KSR2: variants seen among roughly 807,000 people sequenced by gnomAD.
The protein encoded by KSR2 is kinase suppressor of ras 2.
A neutral mutation model predicts 107.8 loss-of-function variants in KSR2; 25 were observed. The observed-to-expected ratio is 0.23, with a 90% CI of 0.17 to 0.32. The LOEUF is 0.32. Ranked by LOEUF, KSR2 falls within the 10% of genes least tolerant of loss-of-function variation. The pLI, the probability that KSR2 is intolerant of heterozygous loss-of-function variation, is 1.00. For synonymous variants in KSR2, 480 were observed against 507.0 expected (o/e 0.95, Z 0.71); for missense variants, 887 against 1,268.9 (o/e 0.70, Z 4.57).
chr12:117,536,324 C>T (rs373243701), intron 10 of KSR2, among the ~76,000 whole-genome samples: 61 of 152,324 alleles, frequency 4.0e-4, no homozygotes, highest in Middle Eastern at 3.4e-3. Flanking sequence ...TGTACAAACA[C>T]GACAGGTACT....
intron 4 of KSR2, among the ~76,000 whole-genome samples, chr12:117,698,844 T>C (rs1023548084): frequency 5.3e-5 from 8 of 152,172 alleles, no homozygotes; most frequent in Non-Finnish European, 8.8e-5. Context: ...CTTCTGATTG[T>C]CTCCTGACTG....
At chr12:117,902,897 T>C (rs574908010) in intron 1 of KSR2, among the ~76,000 whole-genome samples, 72 of 152,358 alleles carry the variant, frequency 4.7e-4, no homozygotes, top group African/African-American at 1.2e-3. Flanking sequence ...ATGTGAATCC[T>C]GACTTTACTG....
intron 4 of KSR2, among the ~76,000 whole-genome samples, chr12:117,683,838 C>T (rs144325533): frequency 1.4e-3 from 214 of 152,310 alleles, no homozygotes; most frequent in African/African-American, 5.0e-3. Flanking sequence ...GAGGAAATAC[C>T]TTCGGCTTTG....
chr12:117,798,482 A>C (rs1368554421), intron 3 of KSR2, among the ~76,000 whole-genome samples: 2 of 151,928 alleles, frequency 1.3e-5, no homozygotes, highest in Non-Finnish European at 2.9e-5. Flanking sequence ...AAAATACAAA[A>C]ATTAGCTGGG....
chr12:117,737,022 C>T (rs1027066920), intron 4 of KSR2, among the ~76,000 whole-genome samples: 9 of 152,246 alleles, frequency 5.9e-5, no homozygotes, highest in East Asian at 1.9e-4. Flanking sequence ...TGTTATCCAA[C>T]GACACTTAAA....
intron 3 of KSR2, among the ~76,000 whole-genome samples, chr12:117,807,662 C>A (rs1338021013): frequency 1.3e-5 from 2 of 152,240 alleles, no homozygotes; most frequent in African/African-American, 4.8e-5. Context: ...AACATCCCTA[C>A]ACATCTTGAA....
chr12:117,476,964 C>A lies in KSR2; in HGVS notation c.2451-369G>T, dbSNP rs190169907. Among the ~76,000 whole-genome samples, 3 of 148,114 alleles carry A rather than the reference C, an allele frequency of 2.0e-5. No homozygotes were observed. In the East Asian group the frequency reaches 6.1e-4, roughly 30 times the overall value. On this transcript the variant is annotated intron_variant, in intron 16 of 19. Transcript: ENST00000339824. ...TCCTGGGGAAATATGTACACATGCA[C>A]ACACCCCCTCACATAGTTTATAATT...
At chr12:117,880,601 T>C (rs1262953805) in intron 1 of KSR2, among the ~76,000 whole-genome samples, 3 of 151,948 alleles carry the variant, frequency 2.0e-5, no homozygotes, top group Admixed American at 2.0e-4. Flanking sequence ...CAGAGAATGC[T>C]GGCCATGAAA....
At chr12:117,727,703 C>T (rs1324298512) in intron 4 of KSR2, among the ~76,000 whole-genome samples, 1 of 152,074 alleles carries the variant, frequency 6.6e-6, no homozygotes, top group Non-Finnish European at 1.5e-5. Context: ...ACATCCCTGC[C>T]CACACCTTGA....
intron 1 of KSR2, among the ~76,000 whole-genome samples, chr12:117,888,841 C>T (rs1894255854): frequency 6.6e-6 from 1 of 152,066 alleles, no homozygotes; most frequent in Non-Finnish European, 1.5e-5. Context: ...CCCAAGTTGA[C>T]TAAGTCAGGG....
At chr12:117,815,974 C>CAA (rs55645570) in intron 3 of KSR2, among the ~76,000 whole-genome samples, 6 of 114,936 alleles carry the variant, frequency 5.2e-5, no homozygotes, top group Middle Eastern at 5.6e-3. Flanking sequence ...AACTCTGTCT[C>CAA]AAAAAAAAAA....
rs56271443 is a variant in KSR2, at chr12:117,733,437, G to T, written c.986+27574C>A. ...GTCTTATCTTAGATCAGGGGTCAGC[G>T]TATTTCAGCCCACAGGCCAAATCTG... On this transcript the variant is annotated intron_variant, in intron 4 of 19. Coordinates refer to ENST00000339824, the MANE Select transcript of KSR2 (RefSeq NM_173598.6). Among the ~76,000 whole-genome samples the T allele has an allele frequency of 3.7e-4, 57 of 152,208 alleles. No homozygotes were observed. The Middle Eastern group carries it at 0.01, about 27-fold the overall frequency.
At chr12:117,498,550 G>A (rs753354520) in intron 14 of KSR2, among the ~76,000 whole-genome samples, 1 of 152,074 alleles carries the variant, frequency 6.6e-6, no homozygotes, top group Non-Finnish European at 1.5e-5. Context: ...TGTCTTCTTG[G>A]GGATAAGCAT....
intron 3 of KSR2, among the ~76,000 whole-genome samples, chr12:117,822,954 G>A (rs1158149061): frequency 1.3e-5 from 2 of 152,126 alleles, no homozygotes; most frequent in African/African-American, 4.8e-5. Flanking sequence ...ACAGAGAAGT[G>A]CTATTTTGGG....
At chr12:117,591,919 G>C (rs769495928) in intron 5 of KSR2, among the ~76,000 whole-genome samples, 3 of 151,848 alleles carry the variant, frequency 2.0e-5, no homozygotes, top group Non-Finnish European at 4.4e-5. Flanking sequence ...TGAGGCATGA[G>C]AATCGCTGGA....
At chr12:117,812,297 G>A (rs1017834445) in intron 3 of KSR2, among the ~76,000 whole-genome samples, 1 of 152,122 alleles carries the variant, frequency 6.6e-6, no homozygotes, top group African/African-American at 2.4e-5. Context: ...ATTTTATATT[G>A]ATGACATGTT....
rs184012982 is a variant in KSR2, at chr12:117,778,514, C to G, written c.473-16990G>C. ...AACTCGCTATAGTCAAAATTCTATT[C>G]ATGCATAGGGCTACCCTAGATGGAT... On this transcript the variant is annotated intron_variant, in intron 3 of 19. Transcript: ENST00000339824. Among the ~76,000 whole-genome samples the G allele has an allele frequency of 8.3e-4, 126 of 152,322 alleles. 1 individual carries two copies. Among genetic ancestry groups the G allele is most frequent in the Non-Finnish European group, 1.3e-3 (86 of 68,024 alleles).
At chr12:117,794,242 C>T (rs868848233) in intron 3 of KSR2, among the ~76,000 whole-genome samples, 7 of 91,292 alleles carry the variant, frequency 7.7e-5, no homozygotes, top group Admixed American at 1.2e-4. Context: ...TGCACACTCA[C>T]ACCAACATGC....
At chr12:117,749,692 A>C (rs1888544331) in intron 4 of KSR2, among the ~76,000 whole-genome samples, 1 of 152,176 alleles carries the variant, frequency 6.6e-6, no homozygotes, top group African/African-American at 2.4e-5. Flanking sequence ...TGTCTGTATA[A>C]GCCTCTGGGG....
Sources: allele counts gnomAD v4.1 joint callset (sites outside exome capture counted in the v4.1 genomes callset), GRCh38; gene constraint gnomAD v4.1.1; transcripts MANE v1.5; gene names NCBI Gene and HGNC (gene_info 2026-07-23, HGNC 2026-07-21).